Variants in TAB2 observed in about 807,000 individuals in gnomAD.
TAB2 encodes TGF-beta activated kinase 1 (MAP3K7) binding protein 2.
Under a neutral mutation model 65.0 loss-of-function variants are expected in TAB2, and 3 were observed. The ratio of observed to expected loss-of-function variants is 0.05; its 90% CI spans 0.02 to 0.12. The LOEUF is 0.12. TAB2 is among the 10% of genes least tolerant of loss of function. TAB2 has a pLI of 1.00. For missense variants in TAB2, 623 were observed against 840.3 expected, an observed-to-expected ratio of 0.74 and a Z score of 3.20; for synonymous variants, 298 against 285.1, an observed-to-expected ratio of 1.05 and a Z score of -0.46.
At chr6:149,400,270 C>A in intron 6 of TAB2, 1 of 1,106,058 alleles carries the variant, frequency 9.0e-7, no homozygotes, top group Non-Finnish European at 1.3e-6. Flanking sequence ...GATGTGCACG[C>A]ACCCTCTCCC....
intron 3 of TAB2, among the ~76,000 whole-genome samples, chr6:149,392,530 C>G (rs1782024961): frequency 6.6e-6 from 1 of 152,164 alleles, no homozygotes; most frequent in Non-Finnish European, 1.5e-5. Flanking sequence ...TAACTCCTGC[C>G]TTCTGTTGTT....
At chr6:149,331,280 T>A (rs1158256591) in intron 1 of TAB2, among the ~76,000 whole-genome samples, 1 of 152,150 alleles carries the variant, frequency 6.6e-6, no homozygotes, top group Non-Finnish European at 1.5e-5. Flanking sequence ...GTGCATGTTT[T>A]GTTAGATTTA....
chr6:149,299,791 T>A (rs1778939116), intron 1 of TAB2, among the ~76,000 whole-genome samples: 2 of 151,972 alleles, frequency 1.3e-5, no homozygotes, highest in Admixed American at 1.3e-4. Flanking sequence ...GGAGAATCAC[T>A]TGAGACTAGG....
At chr6:149,341,479 A>G (rs928564925) in intron 1 of TAB2, among the ~76,000 whole-genome samples, 4 of 152,198 alleles carry the variant, frequency 2.6e-5, no homozygotes, top group Non-Finnish European at 2.9e-5. Flanking sequence ...TTGAATGCCT[A>G]TATGTGCCAC....
At chr6:149,397,902 T>C (rs1782229629) in intron 4 of TAB2, 67 bp from the exon 5 acceptor site, 2 of 1,581,472 alleles carry the variant, frequency 1.3e-6, no homozygotes, top group Admixed American at 3.4e-5. Flanking sequence ...TGTGCCAAAC[T>C]CCATTCTTTA....
chr6:149,356,949 C>G (rs192086330), intron 1 of TAB2, among the ~76,000 whole-genome samples: 1 of 152,226 alleles, frequency 6.6e-6, no homozygotes, highest in East Asian at 1.9e-4. Flanking sequence ...TAAAAATGCA[C>G]CTGTCATTTC....
At chr6:149,377,916 A>G (rs1478273276) in intron 2 of TAB2, 102 bp from the exon 3 acceptor site, 11 of 869,304 alleles carry the variant, frequency 1.3e-5, no homozygotes, top group Non-Finnish European at 2.0e-5. Context: ...ATATGTTATA[A>G]TTGTATTAGC....
At chr6:149,278,089 C>T (rs1321931256) in intron 1 of TAB2, among the ~76,000 whole-genome samples, 2 of 152,194 alleles carry the variant, frequency 1.3e-5, no homozygotes, top group African/African-American at 4.8e-5. Flanking sequence ...AACTCTGAGT[C>T]TCTTTGTTTA....
intron 1 of TAB2, among the ~76,000 whole-genome samples, chr6:149,259,954 T>TA (rs983406910): frequency 4.6e-5 from 7 of 152,092 alleles, no homozygotes; most frequent in East Asian, 1.9e-4. Flanking sequence ...GCTGACCATT[T>TA]AAAAAAATAC....
chr6:149,327,338 T>C (rs1174858898), intron 1 of TAB2, among the ~76,000 whole-genome samples: 1 of 152,242 alleles, frequency 6.6e-6, no homozygotes, highest in Non-Finnish European at 1.5e-5. Flanking sequence ...TGATTTATTA[T>C]TTATTTGTTT....
At chr6:149,388,883 C>T (rs956565733) in intron 3 of TAB2, among the ~76,000 whole-genome samples, 17 of 151,420 alleles carry the variant, frequency 1.1e-4, no homozygotes, top group Non-Finnish European at 1.2e-4. Flanking sequence ...CCTCTTATGG[C>T]TTCTGGGTTT....
intron 1 of TAB2, among the ~76,000 whole-genome samples, chr6:149,294,622 C>CTAAT (rs756286777): frequency 3.9e-5 from 6 of 152,214 alleles, no homozygotes; most frequent in Non-Finnish European, 7.3e-5. Flanking sequence ...TTCCTCCTAT[C>CTAAT]TAATTCCACG....
At chr6:149,408,824 CT>C (rs2114977509) in intron 6 of TAB2, among the ~76,000 whole-genome samples, 2 of 152,054 alleles carry the variant, frequency 1.3e-5, no homozygotes, top group South Asian at 4.1e-4. Flanking sequence ...ACATTGGTCT[CT>C]TAGAGTTCCA....
intron 1 of TAB2, among the ~76,000 whole-genome samples, chr6:149,227,601 G>A (rs910976712): frequency 4.7e-4 from 72 of 152,264 alleles, no homozygotes; most frequent in African/African-American, 1.6e-3. Flanking sequence ...GGGTGAGGCC[G>A]GCTTGCCACT....
intron 1 of TAB2, among the ~76,000 whole-genome samples, chr6:149,333,234 T>C (rs1270369489): frequency 6.6e-6 from 1 of 152,196 alleles, no homozygotes; most frequent in Non-Finnish European, 1.5e-5. Flanking sequence ...TTTCTGATGC[T>C]TCCAAACAAG....
chr6:149,399,055 T>A, intron 5 of TAB2, 49 bp from the exon 6 acceptor site: 1 of 1,463,502 alleles, frequency 6.8e-7, no homozygotes. Flanking sequence ...AAAAGTAAAG[T>A]TGTTTTTGAG....
intron 1 of TAB2, chr6:149,243,462 T>C (rs1240745831): frequency 6.6e-6 from 1 of 152,230 alleles, no homozygotes; most frequent in Non-Finnish European, 1.5e-5. Flanking sequence ...TAATTTACAC[T>C]AGATTCACAT....
chr6:149,291,345 A>G (rs1778773087), intron 1 of TAB2: 1 of 152,266 alleles, frequency 6.6e-6, no homozygotes, highest in African/African-American at 2.4e-5. Flanking sequence ...TAGAAATATT[A>G]TTTTAAGCCG....
chr6:149,350,858 A>T (rs1026786723), intron 1 of TAB2, among the ~76,000 whole-genome samples: 3 of 152,126 alleles, frequency 2.0e-5, no homozygotes, highest in Non-Finnish European at 2.9e-5. Context: ...AATGATGTAT[A>T]TATATAGTTT....
Sources: allele counts gnomAD v4.1 joint callset (sites outside exome capture counted in the v4.1 genomes callset), GRCh38; gene constraint gnomAD v4.1.1; transcripts MANE v1.5; gene names NCBI Gene and HGNC (gene_info 2026-07-23, HGNC 2026-07-21).